SLC44A1: variants seen among roughly 807,000 people sequenced by gnomAD.
The protein encoded by SLC44A1 is choline transporter-like protein 1.
Under a neutral mutation model 79.3 loss-of-function variants are expected in SLC44A1, and 26 were observed. That is an observed-to-expected ratio of 0.33 (90% CI 0.24 to 0.46). SLC44A1 has a LOEUF of 0.46. SLC44A1 is among the 20% of genes least tolerant of loss of function. The probability of loss-of-function intolerance (pLI) is 1.00; values close to 1 mark genes in which losing one functional copy is unlikely to be tolerated. For synonymous variants in SLC44A1, 263 were observed against 286.2 expected (o/e 0.92, Z 0.82); for missense variants, 688 against 798.1 (o/e 0.86, Z 1.66).
At chr9:105,351,969 A>G (rs532092821) in intron 5 of SLC44A1, among the ~76,000 whole-genome samples, 1 of 152,188 alleles carries the variant, frequency 6.6e-6, no homozygotes, top group Non-Finnish European at 1.5e-5. Context: ...AGAGTATAGG[A>G]GTGAAAGAAG....
chr9:105,351,969 A>C (rs532092821), intron 5 of SLC44A1, among the ~76,000 whole-genome samples: 41 of 152,306 alleles, frequency 2.7e-4, no homozygotes, highest in Middle Eastern at 3.4e-3. Flanking sequence ...AGAGTATAGG[A>C]GTGAAAGAAG....
At chr9:105,411,438 G>T (rs1392945549) in intron 15 of SLC44A1, among the ~76,000 whole-genome samples, 2 of 143,784 alleles carry the variant, frequency 1.4e-5, no homozygotes, top group African/African-American at 5.4e-5. Context: ...ATCTCTCTTG[G>T]TCTCTCTCTG....
At chr9:105,423,454 A>G (rs1018206558) in intron 15 of SLC44A1, among the ~76,000 whole-genome samples, 2 of 152,166 alleles carry the variant, frequency 1.3e-5, no homozygotes, top group African/African-American at 4.8e-5. Context: ...CAACAGAGCG[A>G]GGCTCGGTCT....
Position 105,391,037 on chromosome 9 carries a change from T to C in SLC44A1, c.*1981T>C, listed in dbSNP as rs557062276. ...CATCTGTTTCATAGCCGCACAGATT[T>C]TGGACTTTCACAAACATTGGGAACT... is the stretch of plus-strand genomic sequence containing the variant. On this transcript the variant is annotated 3_prime_UTR_variant, in exon 16 of 16. Transcript: ENST00000374720. 5 of 985,828 alleles carry C rather than the reference T, an allele frequency of 5.1e-6. No homozygotes were observed. Among genetic ancestry groups the C allele is most frequent in the East Asian group, 2.3e-4 (2 of 8,822 alleles). The allele number at this position is 985,828 out of a possible 1,614,324, so 61.1% of individuals were successfully genotyped here.
intron 7 of SLC44A1, 102 bp downstream of exon 7, chr9:105,358,535 T>G (rs1214820301): frequency 1.4e-6 from 1 of 716,032 alleles, no homozygotes; most frequent in African/African-American, 1.8e-5. Context: ...ACAAGCTATA[T>G]CCTCAAGGAA....
intron 1 of SLC44A1, among the ~76,000 whole-genome samples, chr9:105,295,069 C>G (rs1254066154): frequency 6.6e-6 from 1 of 152,046 alleles, no homozygotes; most frequent in Non-Finnish European, 1.5e-5. Context: ...CTTACAGTTC[C>G]TGTTTTTCTG....
chr9:105,356,080 T>A (rs1370054941), intron 5 of SLC44A1, 132 bp from the exon 6 acceptor site: 1 of 692,512 alleles, frequency 1.4e-6, no homozygotes, highest in Non-Finnish European at 2.5e-6. Context: ...CACACAGCTC[T>A]TAGCTCCCAT....
chr9:105,413,381 A>G (rs1276931883), intron 15 of SLC44A1, among the ~76,000 whole-genome samples: 2 of 152,228 alleles, frequency 1.3e-5, no homozygotes, highest in African/African-American at 4.8e-5. Context: ...GCAATTTCCA[A>G]GAAAATTTCG....
rs768009625 is a variant in SLC44A1 at position 105,393,129 on chromosome 9, A to G, written c.*4073A>G. On this transcript the variant is annotated 3_prime_UTR_variant, in exon 16 of 16. Transcript: ENST00000374720. ...TGGTCTGTGAATGTATATTGAAAAA[A>G]TGTGGGTTCATAAGTAAAAGCGTAA... The G allele has an allele frequency of 1.3e-3, 1,318 of 985,336 alleles. 2 individuals carry two copies. The highest frequency in any genetic ancestry group is 1.5e-3 in the Non-Finnish European group (1,235 of 829,938). The allele number at this position is 985,336 out of a possible 1,614,324, so 61.0% of individuals were successfully genotyped here.
At chr9:105,324,797 A>G (rs1826518724) in intron 3 of SLC44A1, among the ~76,000 whole-genome samples, 1 of 152,204 alleles carries the variant, frequency 6.6e-6, no homozygotes, top group African/African-American at 2.4e-5. Flanking sequence ...AATCAAAACA[A>G]CAATAAGTTA....
chr9:105,433,334 C>G (rs1404027631), intron 15 of SLC44A1, among the ~76,000 whole-genome samples: 2 of 152,006 alleles, frequency 1.3e-5, no homozygotes, highest in East Asian at 3.9e-4. Context: ...TTTCGCAAAT[C>G]AGTAAGAAAA....
chr9:105,392,148 C>T lies in SLC44A1; in HGVS notation c.*3092C>T, dbSNP rs563323493. 1.0e-6 allele frequency: 1 copy of T among 985,268 alleles called. No homozygotes were observed. The highest frequency in any genetic ancestry group is 1.1e-4 in the East Asian group (1 of 8,812). 61.0% of individuals were successfully genotyped at this position (985,268 alleles called of 1,614,324 possible). ...GCTAGAGCACTGAGATTGTATAATC[C>T]TTGCATGGATGAGCAGAGCTCAAAG... is the stretch of plus-strand genomic sequence containing the variant. On this transcript the variant is annotated 3_prime_UTR_variant, in exon 16 of 16. Transcript: ENST00000374720.
intron 15 of SLC44A1, among the ~76,000 whole-genome samples, chr9:105,435,939 T>C (rs1404592333): frequency 1.3e-5 from 2 of 152,270 alleles, no homozygotes; most frequent in Non-Finnish European, 1.5e-5. Flanking sequence ...GGCTCACGCC[T>C]GTAATCTCAA....
chr9:105,425,648 C>A (rs1213753386), intron 15 of SLC44A1, among the ~76,000 whole-genome samples: 1 of 152,088 alleles, frequency 6.6e-6, no homozygotes, highest in Non-Finnish European at 1.5e-5. Flanking sequence ...CATGGTGAAA[C>A]CCCGTCTCTA....
intron 15 of SLC44A1, among the ~76,000 whole-genome samples, chr9:105,417,507 T>C (rs2131512575): frequency 6.6e-6 from 1 of 152,282 alleles, no homozygotes; most frequent in African/African-American, 2.4e-5. Flanking sequence ...GTTTGGATCT[T>C]GCCCACCCCA....
At chr9:105,272,552 G>GAA (rs34772081) in intron 1 of SLC44A1, among the ~76,000 whole-genome samples, 2 of 134,854 alleles carry the variant, frequency 1.5e-5, no homozygotes, top group Admixed American at 7.5e-5. Context: ...AAGGCTGAGA[G>GAA]AAAAAAAAAA....
chr9:105,328,341 C>T (rs1826646385), intron 3 of SLC44A1, among the ~76,000 whole-genome samples: 1 of 152,104 alleles, frequency 6.6e-6, no homozygotes, highest in Admixed American at 6.5e-5. Context: ...GGAAAGTTGG[C>T]GTTTTAGACA....
At chr9:105,402,975 CTTTTTT>C (rs780060821) in intron 15 of SLC44A1, among the ~76,000 whole-genome samples, 14 of 66,382 alleles carry the variant, frequency 2.1e-4, no homozygotes, top group Admixed American at 1.4e-3. Flanking sequence ...TCACACCCAG[CTTTTTT>C]TTTTTTTTTT....
intron 13 of SLC44A1, among the ~76,000 whole-genome samples, chr9:105,378,260 CAAAA>C (rs1828356675): frequency 6.6e-6 from 1 of 152,138 alleles, no homozygotes; most frequent in South Asian, 2.1e-4. Flanking sequence ...AAAACAAAAA[CAAAA>C]GAAACCTAGT....
Sources: gnomAD v4.1 joint callset for allele counts (sites outside exome capture counted in the v4.1 genomes callset) on GRCh38, gnomAD v4.1.1 for gene constraint, MANE v1.5 for transcripts, NCBI Gene and HGNC (gene_info 2026-07-23, HGNC 2026-07-21) for gene names.